The following RPS6KC1 variants were observed in gnomAD, a reference collection of about 807,000 sequenced individuals.
RPS6KC1 encodes the protein inactive ribosomal protein S6 kinase delta-1.
RPS6KC1 carries 54 observed loss-of-function variants against 103.8 expected under a neutral mutation model. The observed-to-expected ratio is 0.52, with a 90% CI of 0.42 to 0.65. RPS6KC1 has a LOEUF of 0.65. Ranked by LOEUF, RPS6KC1 falls within the 30% of genes least tolerant of loss-of-function variation. The pLI is 0.00. For synonymous variants in RPS6KC1, 439 were observed against 438.7 expected, an observed-to-expected ratio of 1.00 and a Z score of -0.01; for missense variants, 1,151 against 1,253.8, an observed-to-expected ratio of 0.92 and a Z score of 1.24.
intron 14 of RPS6KC1, among the ~76,000 whole-genome samples, chr1:213,267,915 A>G (rs1311990469): frequency 6.6e-6 from 1 of 151,972 alleles, no homozygotes; most frequent in Non-Finnish European, 1.5e-5. Flanking sequence ...AAAAAAATGA[A>G]CAGGACTATG....
chr1:213,739,407 C>T, the RPS6KC1 span, among the ~76,000 whole-genome samples: 3 of 152,128 alleles, frequency 2.0e-5, no homozygotes, highest in Admixed American at 2.0e-4. Flanking sequence ...AAAATTTATA[C>T]ATGGTCTTTT....
At chr1:213,323,011 G>A in the RPS6KC1 span, among the ~76,000 whole-genome samples, 4 of 132,504 alleles carry the variant, frequency 3.0e-5, no homozygotes, top group Admixed American at 8.8e-5. Flanking sequence ...TGATCCACCC[G>A]CCTCGGCCTC....
the RPS6KC1 span, among the ~76,000 whole-genome samples, chr1:213,590,552 G>T: frequency 2.0e-5 from 3 of 152,168 alleles, no homozygotes; most frequent in African/African-American, 7.2e-5. Flanking sequence ...GGCCTCAGAG[G>T]ACATGTGGGA....
chr1:213,630,655 CT>C, the RPS6KC1 span, among the ~76,000 whole-genome samples: 1 of 152,148 alleles, frequency 6.6e-6, no homozygotes, highest in Non-Finnish European at 1.5e-5. Flanking sequence ...GAGAGGTGCT[CT>C]GATTTTTAGA....
the RPS6KC1 span, among the ~76,000 whole-genome samples, chr1:213,349,275 A>T: frequency 1.3e-5 from 2 of 152,216 alleles, no homozygotes; most frequent in Non-Finnish European, 2.9e-5. Context: ...TGACATTTCA[A>T]AGCAGTTTCC....
the RPS6KC1 span, among the ~76,000 whole-genome samples, chr1:213,727,349 G>A: frequency 6.6e-6 from 1 of 152,164 alleles, no homozygotes; most frequent in Admixed American, 6.5e-5. Context: ...AGGGTACAGG[G>A]AGGAAGTCAA....
intron 12 of RPS6KC1, among the ~76,000 whole-genome samples, chr1:213,244,383 T>C (rs932953241): frequency 5.3e-5 from 8 of 152,274 alleles, no homozygotes; most frequent in Non-Finnish European, 7.4e-5. Flanking sequence ...GGGAACCATA[T>C]AACAAAACAA....
chr1:213,176,716 G>A (rs1036386051), intron 8 of RPS6KC1: 24 of 328,228 alleles, frequency 7.3e-5, no homozygotes, highest in Non-Finnish European at 1.2e-4. Flanking sequence ...GCGCATATTT[G>A]TTGGCATTCA....
At chr1:213,597,578 C>A in the RPS6KC1 span, among the ~76,000 whole-genome samples, 2 of 152,192 alleles carry the variant, frequency 1.3e-5, no homozygotes, top group African/African-American at 4.8e-5. Flanking sequence ...CGATCCATGG[C>A]AGATATTCCT....
chr1:213,731,621 A>G, the RPS6KC1 span: 1 of 152,206 alleles, frequency 6.6e-6, no homozygotes, highest in Non-Finnish European at 1.5e-5. Flanking sequence ...CAACACTTCT[A>G]TGTCTAGAAA....
the RPS6KC1 span, among the ~76,000 whole-genome samples, chr1:213,765,943 A>G: frequency 1.3e-5 from 2 of 152,198 alleles, no homozygotes; most frequent in Non-Finnish European, 2.9e-5. Flanking sequence ...GAGTTTCTGT[A>G]TTTTAAGCTT....
intron 7 of RPS6KC1, among the ~76,000 whole-genome samples, chr1:213,168,425 G>A (rs2091185091): frequency 6.6e-6 from 1 of 152,118 alleles, no homozygotes; most frequent in African/African-American, 2.4e-5. Flanking sequence ...TGTTATTTGG[G>A]ACTTCTGCTA....
intron 4 of RPS6KC1, among the ~76,000 whole-genome samples, chr1:213,113,811 TA>T (rs2083285291): frequency 6.6e-6 from 1 of 152,168 alleles, no homozygotes; most frequent in South Asian, 2.1e-4. Flanking sequence ...ATTTATTAAA[TA>T]GGGAATCCTT....
intron 12 of RPS6KC1, among the ~76,000 whole-genome samples, chr1:213,259,390 T>A (rs1163002020): frequency 8.4e-6 from 1 of 118,750 alleles, no homozygotes; most frequent in African/African-American, 3.2e-5. Flanking sequence ...TAAAACCCCG[T>A]GTCTACTAAA....
At chr1:213,266,520 G>A (rs567511055) in intron 14 of RPS6KC1, among the ~76,000 whole-genome samples, 1 of 152,228 alleles carries the variant, frequency 6.6e-6, no homozygotes, top group South Asian at 2.1e-4. Context: ...CAAAAAGTAT[G>A]AAGTTAGACA....
chr1:213,858,249 T>C, the RPS6KC1 span, among the ~76,000 whole-genome samples: 6 of 152,364 alleles, frequency 3.9e-5, no homozygotes, highest in African/African-American at 9.6e-5. Context: ...TGTATGATTA[T>C]CCCTGTTGAA....
the RPS6KC1 span, among the ~76,000 whole-genome samples, chr1:213,438,231 G>A: frequency 2.0e-5 from 3 of 152,070 alleles, no homozygotes; most frequent in Non-Finnish European, 4.4e-5. Context: ...TCTGATCAAT[G>A]TCTGATACCT....
At chr1:213,151,224 C>T (rs1459120111) in intron 6 of RPS6KC1, among the ~76,000 whole-genome samples, 5 of 129,800 alleles carry the variant, frequency 3.9e-5, no homozygotes, top group East Asian at 2.5e-4. Context: ...GGGGGCTGAC[C>T]CCCCCACCTC....
intron 6 of RPS6KC1, 88 bp from the exon 7 acceptor site, chr1:213,167,770 A>C: frequency 1.6e-6 from 1 of 616,970 alleles, no homozygotes; most frequent in East Asian, 3.0e-5. Flanking sequence ...AGAAATGTGA[A>C]CAAGCAGTGT....
Sources: allele counts gnomAD v4.1 joint callset (sites outside exome capture counted in the v4.1 genomes callset), GRCh38; gene constraint gnomAD v4.1.1; transcripts MANE v1.5; gene names NCBI Gene and HGNC (gene_info 2026-07-23, HGNC 2026-07-21).